IGF2BP2: variants seen among roughly 807,000 people sequenced by gnomAD.
IGF2BP2 encodes insulin-like growth factor 2 mRNA-binding protein 2.
IGF2BP2 carries 17 observed loss-of-function variants against 75.8 expected under a neutral mutation model. That is an observed-to-expected ratio of 0.22 (90% CI 0.15 to 0.34). IGF2BP2 has a LOEUF of 0.34. IGF2BP2 is among the 10% of genes least tolerant of loss of function. The pLI is 1.00. For synonymous variants in IGF2BP2, 288 were observed against 295.6 expected, an observed-to-expected ratio of 0.97 and a Z score of 0.26; for missense variants, 516 against 772.4, an observed-to-expected ratio of 0.67 and a Z score of 3.93.
intron 2 of IGF2BP2, among the ~76,000 whole-genome samples, chr3:185,803,161 G>T (rs1453028995): frequency 4.6e-5 from 7 of 152,292 alleles, no homozygotes; most frequent in African/African-American, 1.4e-4. Context: ...GACCAGCCTA[G>T]CTAACATGGT....
intron 2 of IGF2BP2, among the ~76,000 whole-genome samples, chr3:185,745,586 G>A (rs774551301): frequency 6.6e-5 from 10 of 152,180 alleles, no homozygotes; most frequent in Non-Finnish European, 1.3e-4. Context: ...CGGCAAGAAT[G>A]CCTAAGATGA....
chr3:185,728,341 G>A (rs78669165), intron 2 of IGF2BP2: 3,479 of 152,338 alleles, frequency 0.023, 64 homozygotes, highest in Non-Finnish European at 0.034. Context: ...GAGTTGGTAG[G>A]TTAACCAGAT....
At chr3:185,692,432 T>C (rs757596048) in intron 5 of IGF2BP2, among the ~76,000 whole-genome samples, 7 of 152,116 alleles carry the variant, frequency 4.6e-5, no homozygotes, top group Non-Finnish European at 7.4e-5. Context: ...TCAACATTTT[T>C]CAAGTCTCTA....
intron 2 of IGF2BP2, among the ~76,000 whole-genome samples, chr3:185,770,714 A>G (rs999096839): frequency 6.6e-6 from 1 of 152,180 alleles, no homozygotes; most frequent in African/African-American, 2.4e-5. Flanking sequence ...AGCAGCACAA[A>G]GAGACTGTAA....
At chr3:185,677,078 G>T (rs369786333) in intron 7 of IGF2BP2, among the ~76,000 whole-genome samples, 2,834 of 70,900 alleles carry the variant, frequency 0.04, 68 homozygotes, top group East Asian at 0.077. Context: ...TAGAGAGAGA[G>T]AGAGAGAGAG....
In IGF2BP2 at chr3:185,675,469, C is replaced by T. The variant is rs372537785; in HGVS notation, c.936-38G>A. On this transcript the variant is annotated intron_variant, in intron 8 of 15. Coordinates refer to ENST00000382199, the MANE Select transcript of IGF2BP2 (RefSeq NM_006548.6). The stretch of plus-strand genomic sequence containing the variant: ...AAGAAAAGAGAAATTTTGTTTTCAA[C>T]GGGAAAAATAAAATGCCCAAAAAAT... 1.2e-4 allele frequency: 190 copies of T among 1,584,744 alleles called. 2 individuals carry two copies. The highest frequency in any genetic ancestry group is 1.1e-3 in the Admixed American group (53 of 49,054).
At position 185,689,774 on chromosome 3, in the gene IGF2BP2, C is replaced by T. The variant is rs1721678903; in HGVS notation, c.405-147G>A. 3 of 847,920 alleles carry T rather than the reference C, an allele frequency of 3.5e-6. No homozygotes were observed. In the East Asian group the frequency reaches 7.6e-5, roughly 22 times the overall value. The allele number at this position is 847,920 out of a possible 1,614,324, so 52.5% of individuals were successfully genotyped here. On this transcript the variant is annotated intron_variant, in intron 5 of 15. Coordinates refer to ENST00000382199, the MANE Select transcript of IGF2BP2 (RefSeq NM_006548.6). ...ACGAGGTCAGGAGATCGAGACCATCCCGGCTAAAACGGTGAAACCCCGTCT... is the reference window on the plus strand; with the variant it reads ...ACGAGGTCAGGAGATCGAGACCATCTCGGCTAAAACGGTGAAACCCCGTCT...
At chr3:185,719,102 G>A (rs943282090) in intron 2 of IGF2BP2, among the ~76,000 whole-genome samples, 2 of 152,146 alleles carry the variant, frequency 1.3e-5, no homozygotes, top group African/African-American at 4.8e-5. Context: ...AGAAAATAGG[G>A]TACATCTAAT....
intron 2 of IGF2BP2, among the ~76,000 whole-genome samples, chr3:185,807,980 A>G (rs1739249403): frequency 6.6e-6 from 1 of 152,130 alleles, no homozygotes; most frequent in African/African-American, 2.4e-5. Flanking sequence ...TGAGATAATA[A>G]ATGTTTTTGT....
chr3:185,774,600 A>AG (rs1734301793), intron 2 of IGF2BP2, among the ~76,000 whole-genome samples: 1 of 151,194 alleles, frequency 6.6e-6, no homozygotes, highest in East Asian at 1.9e-4. Context: ...GTCTCAAAAA[A>AG]AAAAAAAGAA....
chr3:185,788,710 C>CTTTTTTTT (rs1158869748), intron 2 of IGF2BP2, among the ~76,000 whole-genome samples: 2 of 100,222 alleles, frequency 2.0e-5, no homozygotes, highest in Non-Finnish European at 3.9e-5. Flanking sequence ...TGACAAACGA[C>CTTTTTTTT]TTTTTTTTTT....
intron 10 of IGF2BP2, among the ~76,000 whole-genome samples, chr3:185,660,903 GC>G (rs1716329694): frequency 6.6e-6 from 1 of 152,170 alleles, no homozygotes; most frequent in African/African-American, 2.4e-5. Flanking sequence ...ACTATGATTT[GC>G]CATTTCCTTA....
At chr3:185,664,633 C>G (rs1285880048) in intron 10 of IGF2BP2, among the ~76,000 whole-genome samples, 1 of 151,934 alleles carries the variant, frequency 6.6e-6, no homozygotes, top group Non-Finnish European at 1.5e-5. Context: ...CCAGAGTGAC[C>G]CTGGATATGA....
chr3:185,739,077 T>C (rs905227247), intron 2 of IGF2BP2, among the ~76,000 whole-genome samples: 2 of 152,236 alleles, frequency 1.3e-5, no homozygotes, highest in Admixed American at 1.3e-4. Flanking sequence ...AGCTGCCCTT[T>C]TATATGTGTT....
intron 2 of IGF2BP2, among the ~76,000 whole-genome samples, chr3:185,767,219 G>A (rs910466007): frequency 1.3e-5 from 2 of 152,146 alleles, no homozygotes; most frequent in Non-Finnish European, 2.9e-5. Context: ...CAGCCTGTCC[G>A]ACAATTCTGT....
At chr3:185,748,930 G>A (rs1204568857) in intron 2 of IGF2BP2, among the ~76,000 whole-genome samples, 1 of 152,176 alleles carries the variant, frequency 6.6e-6, no homozygotes, top group Non-Finnish European at 1.5e-5. Flanking sequence ...TTGGGAGGCC[G>A]AGGCAGGCTG....
intron 2 of IGF2BP2, among the ~76,000 whole-genome samples, chr3:185,744,712 G>A (rs1730017850): frequency 6.6e-6 from 1 of 152,158 alleles, no homozygotes; most frequent in Admixed American, 6.5e-5. Flanking sequence ...GGGAGGCTGA[G>A]GCACAAGAAT....
At chr3:185,670,215 G>A (rs1718306281) in intron 10 of IGF2BP2, among the ~76,000 whole-genome samples, 1 of 152,100 alleles carries the variant, frequency 6.6e-6, no homozygotes. Context: ...TACTATTTTA[G>A]TAAAAATCTG....
At chr3:185,665,210 AGAAG>A (rs951881222) in intron 10 of IGF2BP2, among the ~76,000 whole-genome samples, 3 of 146,994 alleles carry the variant, frequency 2.0e-5, no homozygotes, top group African/African-American at 5.0e-5. Flanking sequence ...GAGAAGAAGG[AGAAG>A]GAAGAGGAGG....
Sources: allele counts gnomAD v4.1 joint callset (sites outside exome capture counted in the v4.1 genomes callset), GRCh38; gene constraint gnomAD v4.1.1; transcripts MANE v1.5; gene names NCBI Gene and HGNC (gene_info 2026-07-23, HGNC 2026-07-21).